SLC22A24: variants seen among roughly 807,000 people sequenced by gnomAD.
The protein encoded by SLC22A24 is solute carrier family 22 member 24, also known as steroid transmembrane transporter SLC22A24.
In SLC22A24, 53 loss-of-function variants were observed where a neutral mutation model predicts 49.8. That is an observed-to-expected ratio of 1.06 (90% confidence interval 0.85 to 1.34). The LOEUF is 1.34. Among genes scored for constraint, SLC22A24 ranks in the 40% most tolerant of loss-of-function variants. The probability of loss-of-function intolerance (pLI) is 0.00; values close to 1 mark genes in which losing one functional copy is unlikely to be tolerated. For missense variants in SLC22A24, 786 were observed against 675.9 expected, an observed-to-expected ratio of 1.16 and a Z score of -1.81; for synonymous variants, 302 against 256.4, an observed-to-expected ratio of 1.18 and a Z score of -1.70.
chr11:63,103,084 T>G (rs2087100976), intron 5 of SLC22A24, among the ~76,000 whole-genome samples: 1 of 152,164 alleles, frequency 6.6e-6, no homozygotes, highest in African/African-American at 2.4e-5. Context: ...AATAATACTT[T>G]TCCAGACATT....
chr11:63,130,232 A>G (rs1229391115), intron 2 of SLC22A24, among the ~76,000 whole-genome samples: 1 of 152,234 alleles, frequency 6.6e-6, no homozygotes, highest in African/African-American at 2.4e-5. Context: ...TATTGAGATA[A>G]TCATGTGGTT....
intron 2 of SLC22A24, among the ~76,000 whole-genome samples, chr11:63,129,471 T>A (rs939570960): frequency 2.0e-5 from 3 of 152,180 alleles, no homozygotes; most frequent in Non-Finnish European, 2.9e-5. Flanking sequence ...TCTTTTTGGT[T>A]CCATGTGAAT....
intron 2 of SLC22A24, among the ~76,000 whole-genome samples, chr11:63,122,778 C>A (rs2087261253): frequency 6.6e-6 from 1 of 152,112 alleles, no homozygotes; most frequent in Admixed American, 6.5e-5. Context: ...CCTCGGCCTC[C>A]CAAAGTGCTG....
chr11:63,112,845 C>T (rs1445841411), intron 4 of SLC22A24, among the ~76,000 whole-genome samples: 3 of 150,616 alleles, frequency 2.0e-5, no homozygotes, highest in Non-Finnish European at 3.0e-5. Context: ...AACCCCGTCT[C>T]TACTAAAAAA....
At chr11:63,136,816 T>G (rs1224254291) in intron 1 of SLC22A24, among the ~76,000 whole-genome samples, 1 of 152,196 alleles carries the variant, frequency 6.6e-6, no homozygotes, top group East Asian at 1.9e-4. Context: ...GGTCGCCTAG[T>G]TCTCTTGGAC....
At chr11:63,135,160 A>T (rs781234934) in intron 1 of SLC22A24, among the ~76,000 whole-genome samples, 8 of 151,914 alleles carry the variant, frequency 5.3e-5, no homozygotes, top group Non-Finnish European at 1.2e-4. Context: ...AATATATAAA[A>T]CCCCCACAAT....
intron 5 of SLC22A24, among the ~76,000 whole-genome samples, chr11:63,103,215 A>G (rs1000584601): frequency 1.3e-5 from 2 of 152,008 alleles, no homozygotes; most frequent in Admixed American, 1.3e-4. Context: ...CTCTTTCAGG[A>G]CTGACATGTA....
chr11:63,085,591 GA>G (rs2086982722), intron 6 of SLC22A24, among the ~76,000 whole-genome samples: 1 of 152,110 alleles, frequency 6.6e-6, no homozygotes, highest in Non-Finnish European at 1.5e-5. Flanking sequence ...TTATGGAGAG[GA>G]AAAGAAAATA....
chr11:63,102,251 GA>G (rs1163639230), intron 5 of SLC22A24, among the ~76,000 whole-genome samples: 2 of 151,944 alleles, frequency 1.3e-5, no homozygotes, highest in Admixed American at 6.5e-5. Flanking sequence ...TTAAAATCAA[GA>G]AAAAAGAAAT....
At chr11:63,093,234 G>A (rs992919655) in intron 6 of SLC22A24, among the ~76,000 whole-genome samples, 1 of 152,214 alleles carries the variant, frequency 6.6e-6, no homozygotes, top group African/African-American at 2.4e-5. Context: ...CTTTTACACT[G>A]TTTGTGGGAG....
chr11:63,084,447 G>A (rs961448421), intron 6 of SLC22A24, among the ~76,000 whole-genome samples: 3 of 152,048 alleles, frequency 2.0e-5, no homozygotes, highest in African/African-American at 7.2e-5. Flanking sequence ...TGGGGAAGGC[G>A]ACCAGCAATA....
chr11:63,088,099 G>C (rs1190056640), intron 6 of SLC22A24, among the ~76,000 whole-genome samples: 7 of 152,176 alleles, frequency 4.6e-5, no homozygotes, highest in Admixed American at 4.6e-4. Flanking sequence ...GCCTCCTCAA[G>C]TGGGTCCCTG....
chr11:63,114,372 T>A (rs190044993), intron 4 of SLC22A24, among the ~76,000 whole-genome samples: 9 of 152,304 alleles, frequency 5.9e-5, no homozygotes, highest in Non-Finnish European at 1.3e-4. Context: ...TTGAAACTTG[T>A]ACATGGGTCA....
chr11:63,112,287 G>T (rs566615989), intron 4 of SLC22A24, among the ~76,000 whole-genome samples: 1 of 152,148 alleles, frequency 6.6e-6, no homozygotes, highest in East Asian at 1.9e-4. Flanking sequence ...GTCAATTTTG[G>T]AATAAGTGTG....
intron 4 of SLC22A24, among the ~76,000 whole-genome samples, chr11:63,114,236 C>T (rs1255800096): frequency 6.6e-6 from 1 of 152,188 alleles, no homozygotes; most frequent in Non-Finnish European, 1.5e-5. Flanking sequence ...CACATAGTCC[C>T]ATATTTCTTA....
At chr11:63,114,384 G>T (rs952232780) in intron 4 of SLC22A24, among the ~76,000 whole-genome samples, 1 of 152,124 alleles carries the variant, frequency 6.6e-6, no homozygotes, top group Non-Finnish European at 1.5e-5. Flanking sequence ...CATGGGTCAT[G>T]AAGATCTCAT....
intron 6 of SLC22A24, among the ~76,000 whole-genome samples, chr11:63,089,358 C>T (rs532496265): frequency 2.2e-4 from 33 of 152,266 alleles, no homozygotes; most frequent in African/African-American, 7.9e-4. Context: ...CCTTTCCAGA[C>T]AAGCAAATAC....
intron 2 of SLC22A24, among the ~76,000 whole-genome samples, chr11:63,129,055 C>T (rs2087314566): frequency 6.6e-6 from 1 of 152,144 alleles, no homozygotes. Flanking sequence ...TTTGCTCATG[C>T]CTAAGTCCTG....
intron 4 of SLC22A24, among the ~76,000 whole-genome samples, chr11:63,116,709 G>T (rs1241360002): frequency 1.3e-5 from 2 of 151,850 alleles, no homozygotes; most frequent in African/African-American, 4.8e-5. Context: ...TCGCCTTCTG[G>T]GACTACAAAA....
Sources: allele counts gnomAD v4.1 joint callset (sites outside exome capture counted in the v4.1 genomes callset), GRCh38; gene constraint gnomAD v4.1.1; transcripts MANE v1.5; gene names NCBI Gene and HGNC (gene_info 2026-07-23, HGNC 2026-07-21).